GRIP1: variants seen among roughly 807,000 people sequenced by gnomAD.
GRIP1 encodes the protein glutamate receptor interacting protein 1.
Under a neutral mutation model 129.9 loss-of-function variants are expected in GRIP1, and 45 were observed. The ratio of observed to expected loss-of-function variants is 0.35; its 90% CI spans 0.27 to 0.44. The LOEUF (loss-of-function observed/expected upper bound fraction) is 0.44. GRIP1 is among the 20% of genes least tolerant of loss of function. The pLI is 1.00. For missense variants in GRIP1, 1,196 were observed against 1,396.8 expected (o/e 0.86, Z 2.29); for synonymous variants, 530 against 520.8 (o/e 1.02, Z -0.24).
At chr12:66,649,965 C>A (rs2032671513) in intron 1 of GRIP1, among the ~76,000 whole-genome samples, 1 of 152,128 alleles carries the variant, frequency 6.6e-6, no homozygotes, top group Non-Finnish European at 1.5e-5. Flanking sequence ...AAAGGGTAAA[C>A]CGAGCCACAG....
intron 1 of GRIP1, among the ~76,000 whole-genome samples, chr12:66,941,619 A>G (rs2041587417): frequency 6.6e-6 from 1 of 152,184 alleles, no homozygotes; most frequent in African/African-American, 2.4e-5. Context: ...AGGAGCTGCT[A>G]CAGGTGTCAT....
chr12:66,678,932 T>G lies in GRIP1; in HGVS notation c.-28A>C. ...TTGCTCACTGCTTTCTGTGGCAAAG[T>G]GTACTCAAGGCTCTCTGCTCTGGTG... On this transcript the variant is annotated 5_prime_UTR_variant, in exon 1 of 25. Coordinates refer to ENST00000359742, the MANE Select transcript of GRIP1 (RefSeq NM_001366722.1). 1.2e-6 allele frequency: 2 copies of G among 1,613,060 alleles called. No homozygotes were observed. Among genetic ancestry groups the G allele is most frequent in the Non-Finnish European group, 1.7e-6 (2 of 1,179,366 alleles).
At chr12:66,372,832 C>A (rs1450420413) in intron 22 of GRIP1, among the ~76,000 whole-genome samples, 3 of 151,692 alleles carry the variant, frequency 2.0e-5, no homozygotes, top group African/African-American at 7.3e-5. Context: ...TGCTAAAATT[C>A]TGAAAATATG....
At chr12:66,697,887 C>T (rs190021238) in intron 1 of GRIP1, among the ~76,000 whole-genome samples, 52 of 151,678 alleles carry the variant, frequency 3.4e-4, no homozygotes, top group African/African-American at 1.1e-3. Context: ...ATCAAGACCC[C>T]CTCAACAAAG....
chr12:66,890,852 G>C (rs984616874), intron 1 of GRIP1, among the ~76,000 whole-genome samples: 1 of 152,168 alleles, frequency 6.6e-6, no homozygotes, highest in African/African-American at 2.4e-5. Context: ...CTTCATTAAT[G>C]CCAGAATTGA....
chr12:66,728,062 A>G (rs1039858187), intron 1 of GRIP1, among the ~76,000 whole-genome samples: 1 of 152,204 alleles, frequency 6.6e-6, no homozygotes, highest in African/African-American at 2.4e-5. Flanking sequence ...CAGATGCTAG[A>G]AAGACAAAAA....
In GRIP1 at chr12:66,353,528, A is replaced by G. The variant is rs372970620; in HGVS notation, c.3048T>C (p.Phe1016=). Residue 1016 remains phenylalanine (F), a synonymous_variant, in exon 24 of 25, where the codon TTT becomes TTC. Transcript: ENST00000359742. ...GTAAGCCATCTGCTACACTGAACCCAAAGTCCTCCATGTCAGAGTCCTTGT... is the reference window on the plus strand; with the variant it reads ...GTAAGCCATCTGCTACACTGAACCCGAAGTCCTCCATGTCAGAGTCCTTGT... ...TLYKDSDMED[F]GFSVADGLLE... is the part of the protein sequence containing the mutation. 476 of 1,613,882 alleles carry G rather than the reference A, an allele frequency of 2.9e-4. 1 individual carries two copies. The highest frequency in any genetic ancestry group is 3.9e-4 in the Non-Finnish European group (455 of 1,179,764).
rs532969444 is a variant in GRIP1, at chr12:66,403,288, T to C, written c.1984+2995A>G. ...TTGTTGTTGTCCCTCATCCCCCGTC[T>C]ACCCTCTCTTCTTCTGAGTTCTTAT... is the stretch of plus-strand genomic sequence containing the variant. On this transcript the variant is annotated intron_variant, in intron 16 of 24. Transcript: ENST00000359742. 5.3e-5 allele frequency among the ~76,000 whole-genome samples: 8 copies of C among 152,272 alleles called. No homozygotes were observed. The South Asian group carries it at 1.2e-3, about 24-fold the overall frequency.
intron 1 of GRIP1, among the ~76,000 whole-genome samples, chr12:67,034,356 C>T (rs377050827): frequency 4.2e-4 from 64 of 152,122 alleles, no homozygotes; most frequent in Non-Finnish European, 5.3e-4. Flanking sequence ...ATAAGTTCTA[C>T]GAAATGCATT....
At chr12:66,528,533 C>T (rs61928462) in intron 5 of GRIP1, among the ~76,000 whole-genome samples, 22,382 of 151,988 alleles carry the variant, frequency 0.15, 1,799 homozygotes, top group African/African-American at 0.21. Context: ...CACATAGATA[C>T]CCAAGAGATT....
At chr12:66,724,967 A>T (rs1404009931) in intron 1 of GRIP1, among the ~76,000 whole-genome samples, 1 of 152,170 alleles carries the variant, frequency 6.6e-6, no homozygotes, top group African/African-American at 2.4e-5. Context: ...GATTCTTTTT[A>T]AAACAAGAGA....
At chr12:66,389,017 C>T (rs1472841511) in intron 19 of GRIP1, among the ~76,000 whole-genome samples, 2 of 152,092 alleles carry the variant, frequency 1.3e-5, no homozygotes, top group Non-Finnish European at 2.9e-5. Flanking sequence ...CGATTTCCAG[C>T]CCCAGGAGGA....
intron 2 of GRIP1, among the ~76,000 whole-genome samples, chr12:66,542,635 T>C (rs184323060): frequency 1.3e-5 from 2 of 152,330 alleles, no homozygotes; most frequent in East Asian, 3.9e-4. Context: ...ATAATATCTA[T>C]ATAGCAAGAT....
intron 7 of GRIP1, among the ~76,000 whole-genome samples, chr12:66,483,093 C>G (rs2059850896): frequency 6.6e-6 from 1 of 152,100 alleles, no homozygotes; most frequent in Non-Finnish European, 1.5e-5. Context: ...AATCACAGTG[C>G]AAGGCTTGAT....
intron 7 of GRIP1, among the ~76,000 whole-genome samples, chr12:66,468,924 G>A (rs2059362700): frequency 6.6e-6 from 1 of 152,102 alleles, no homozygotes; most frequent in South Asian, 2.1e-4. Context: ...ACTAGAATAA[G>A]TCTCTCTTTA....
intron 1 of GRIP1, among the ~76,000 whole-genome samples, chr12:66,726,442 G>A (rs939702035): frequency 7.2e-5 from 11 of 152,160 alleles, no homozygotes; most frequent in East Asian, 1.9e-4. Flanking sequence ...TGCCCTAGAC[G>A]CCTGAAAGAA....
At chr12:66,890,152 C>T (rs1304428446) in intron 1 of GRIP1, among the ~76,000 whole-genome samples, 2 of 152,060 alleles carry the variant, frequency 1.3e-5, no homozygotes, top group African/African-American at 4.8e-5. Flanking sequence ...TGGTCTAGAA[C>T]CCCTGGGCTC....
In GRIP1 at chr12:66,785,343, C is replaced by CATACATAT. The variant is rs377630345; in HGVS notation, c.-420+18709_-420+18710insATATGTAT. On this transcript the variant is annotated intron_variant, in intron 1 of 4. Transcript: ENST00000538373. ...ACATACATACATACATACATACATA[C>CATACATAT]ATATATATATATATATATATTAGTT... is the stretch of plus-strand genomic sequence containing the variant. Among the ~76,000 whole-genome samples, 486 of 72,754 alleles carry CATACATAT rather than the reference C, an allele frequency of 6.7e-3. 9 individuals are homozygous for CATACATAT. The highest frequency in any genetic ancestry group is 0.016 in the African/African-American group (316 of 19,700). 47.7% of individuals were successfully genotyped at this position (72,754 alleles called of 152,430 possible).
At chr12:67,017,904 A>G (rs2042811681) in intron 1 of GRIP1, among the ~76,000 whole-genome samples, 1 of 152,230 alleles carries the variant, frequency 6.6e-6, no homozygotes, top group Admixed American at 6.5e-5. Flanking sequence ...ACCACATAGA[A>G]TCACAGAACA....
Sources: gnomAD v4.1 joint callset for allele counts (sites outside exome capture counted in the v4.1 genomes callset) on GRCh38, gnomAD v4.1.1 for gene constraint, MANE v1.5 for transcripts, NCBI Gene and HGNC (gene_info 2026-07-23, HGNC 2026-07-21) for gene names.